THSD4: variants seen among roughly 807,000 people sequenced by gnomAD.
THSD4 encodes thrombospondin type-1 domain-containing protein 4.
THSD4 carries 69 observed loss-of-function variants against 119.0 expected under a neutral mutation model. The ratio of observed to expected loss-of-function variants is 0.58; its 90% confidence interval spans 0.48 to 0.71. THSD4 has a LOEUF of 0.71. THSD4 is among the 30% of genes least tolerant of loss of function. The pLI is 0.00. For synonymous variants in THSD4, 524 were observed against 540.4 expected (o/e 0.97, Z 0.42); for missense variants, 1,393 against 1,391.1 (o/e 1.00, Z -0.02).
chr15:71,669,263 T>C (rs2141010568), intron 8 of THSD4, among the ~76,000 whole-genome samples: 1 of 152,370 alleles, frequency 6.6e-6, no homozygotes, highest in Middle Eastern at 3.4e-3. Flanking sequence ...ACTTTGACAT[T>C]TTTAAATTGC....
chr15:71,196,380 TA>T (rs1443813708), intron 3 of THSD4, among the ~76,000 whole-genome samples: 11 of 152,190 alleles, frequency 7.2e-5, no homozygotes, highest in Non-Finnish European at 1.3e-4. Context: ...AGCCAGGCTA[TA>T]GTAGGTAAAG....
intron 8 of THSD4, among the ~76,000 whole-genome samples, chr15:71,677,265 A>C (rs2141023961): frequency 6.6e-6 from 1 of 152,216 alleles, no homozygotes; most frequent in African/African-American, 2.4e-5. Context: ...TGATATCCTG[A>C]CTCTTGGCTG....
intron 7 of THSD4, among the ~76,000 whole-genome samples, chr15:71,493,141 G>A (rs1023069361): frequency 6.6e-6 from 1 of 152,184 alleles, no homozygotes; most frequent in African/African-American, 2.4e-5. Context: ...ACTTTAGTAA[G>A]GTTGGTATAA....
intron 6 of THSD4, among the ~76,000 whole-genome samples, chr15:71,312,961 G>C (rs1046730451): frequency 3.3e-5 from 5 of 152,158 alleles, no homozygotes; most frequent in Non-Finnish European, 7.3e-5. Flanking sequence ...AAAGCTCTGC[G>C]AGAGCAGGGA....
chr15:71,203,570 A>T (rs1369215307), intron 3 of THSD4, among the ~76,000 whole-genome samples: 1 of 152,068 alleles, frequency 6.6e-6, no homozygotes, highest in African/African-American at 2.4e-5. Flanking sequence ...GAGGCAGGAG[A>T]ATTGCTTGAA....
intron 7 of THSD4, among the ~76,000 whole-genome samples, chr15:71,582,178 G>A (rs953258708): frequency 6.6e-6 from 1 of 152,014 alleles, no homozygotes; most frequent in Non-Finnish European, 1.5e-5. Flanking sequence ...TTTCTTCAAT[G>A]TTTTATAGTT....
intron 7 of THSD4, among the ~76,000 whole-genome samples, chr15:71,439,933 G>T (rs956062448): frequency 6.6e-6 from 1 of 152,156 alleles, no homozygotes; most frequent in Admixed American, 6.6e-5. Context: ...GTTGATGGGT[G>T]CAGCAAACCA....
At chr15:71,619,837 C>T (rs183200015) in intron 7 of THSD4, among the ~76,000 whole-genome samples, 4 of 152,298 alleles carry the variant, frequency 2.6e-5, no homozygotes, top group Admixed American at 2.0e-4. Flanking sequence ...CCAACTAATT[C>T]AACTGATACC....
At chr15:71,429,720 C>A (rs1243017025) in intron 7 of THSD4, among the ~76,000 whole-genome samples, 1 of 152,166 alleles carries the variant, frequency 6.6e-6, no homozygotes, top group Non-Finnish European at 1.5e-5. Flanking sequence ...GGACATTTCA[C>A]ATGTTAACAG....
At chr15:71,351,055 C>T (rs2045737919) in intron 6 of THSD4, among the ~76,000 whole-genome samples, 1 of 152,164 alleles carries the variant, frequency 6.6e-6, no homozygotes, top group Non-Finnish European at 1.5e-5. Context: ...TTGGGAAGTG[C>T]TTTCTAAGGC....
intron 6 of THSD4, among the ~76,000 whole-genome samples, chr15:71,257,444 G>A (rs2044332275): frequency 6.6e-6 from 1 of 152,142 alleles, no homozygotes; most frequent in African/African-American, 2.4e-5. Context: ...TGGCTGGAGA[G>A]GGAGTCCAGC....
At chr15:71,386,903 T>C (rs2046299952) in intron 6 of THSD4, among the ~76,000 whole-genome samples, 1 of 152,218 alleles carries the variant, frequency 6.6e-6, no homozygotes, top group African/African-American at 2.4e-5. Context: ...TTTTCTAAGC[T>C]TTGTGTTTGG....
At chr15:71,112,875 C>A (rs751147717), upstream of THSD4, among the ~76,000 whole-genome samples, 14 of 152,314 alleles carry the variant, frequency 9.2e-5, no homozygotes, top group Middle Eastern at 6.8e-3. Flanking sequence ...ATGTAAATAT[C>A]TCTTTGTTTA....
chr15:71,688,292 C>CTTTTTTTTTTTTTTTTTTTTTTTTTTTT, intron 8 of THSD4, among the ~76,000 whole-genome samples: 1 of 152,306 alleles, frequency 6.6e-6, no homozygotes, highest in East Asian at 1.9e-4. Flanking sequence ...AGAACATTTT[C>CTTTTTTTTTTTTTTTTTTTTTTTTTTTT]CTTTCAGCCT....
chr15:71,510,068 G>C (rs933636929), intron 7 of THSD4, among the ~76,000 whole-genome samples: 1 of 152,178 alleles, frequency 6.6e-6, no homozygotes, highest in Non-Finnish European at 1.5e-5. Flanking sequence ...AATAACCCTA[G>C]AGCTGTGTGT....
At chr15:71,383,648 C>T (rs539260144) in intron 6 of THSD4, among the ~76,000 whole-genome samples, 1 of 151,994 alleles carries the variant, frequency 6.6e-6, no homozygotes, top group East Asian at 1.9e-4. Flanking sequence ...TCAAAATAGC[C>T]AGCTAAATGC....
intron 7 of THSD4, among the ~76,000 whole-genome samples, chr15:71,463,864 C>T (rs2047460603): frequency 1.3e-5 from 2 of 152,200 alleles, no homozygotes; most frequent in African/African-American, 2.4e-5. Flanking sequence ...CTTCTACCAT[C>T]AGGATCATGT....
intron 7 of THSD4, among the ~76,000 whole-genome samples, chr15:71,610,034 A>G (rs2050194463): frequency 6.6e-6 from 1 of 152,184 alleles, no homozygotes; most frequent in African/African-American, 2.4e-5. Flanking sequence ...CATCGACAAT[A>G]AAGAGGTGAA....
At chr15:71,716,779 G>A (rs1485542705) in intron 8 of THSD4, among the ~76,000 whole-genome samples, 2 of 152,048 alleles carry the variant, frequency 1.3e-5, no homozygotes, top group Non-Finnish European at 2.9e-5. Context: ...ACTTCTTGGG[G>A]CATCCCCCCT....
Sources: allele counts gnomAD v4.1 joint callset (sites outside exome capture counted in the v4.1 genomes callset), GRCh38; gene constraint gnomAD v4.1.1; transcripts MANE v1.5; gene names NCBI Gene and HGNC (gene_info 2026-07-23, HGNC 2026-07-21).